Variants in MDGA2 observed in about 807,000 individuals in gnomAD.
MDGA2 encodes the protein MAM domain-containing glycosylphosphatidylinositol anchor protein 2.
Under a neutral mutation model 117.8 loss-of-function variants are expected in MDGA2, and 40 were observed. The ratio of observed to expected loss-of-function variants is 0.34; its 90% CI spans 0.26 to 0.44. The LOEUF (loss-of-function observed/expected upper bound fraction) is 0.44. Among genes scored for constraint, MDGA2 ranks in the 20% least tolerant of loss-of-function variants. The pLI, the probability that MDGA2 is intolerant of heterozygous loss-of-function variation, is 1.00. For synonymous variants in MDGA2, 452 were observed against 439.0 expected, an observed-to-expected ratio of 1.03 and a Z score of -0.37; for missense variants, 1,123 against 1,250.6, an observed-to-expected ratio of 0.90 and a Z score of 1.54.
Position 47,214,580 on chromosome 14 carries a change from G to A in MDGA2, c.595+3441C>T, listed in dbSNP as rs150435255. Among the ~76,000 whole-genome samples, 57 of 151,866 alleles carry A rather than the reference G, an allele frequency of 3.8e-4. 1 individual carries two copies. The highest frequency in any genetic ancestry group is 1.1e-3 in the African/African-American group (44 of 41,438). On this transcript the variant is annotated intron_variant, in intron 3 of 16. Coordinates refer to ENST00000399232, the MANE Select transcript of MDGA2 (RefSeq NM_001113498.3). ...TTAGAAAATTATGTGGGAAAAAGTC[G>A]CCAATAAAGATACATAAACTTTCTC...
chr14:47,049,569 C>T (rs192903026), intron 7 of MDGA2, among the ~76,000 whole-genome samples: 1 of 151,648 alleles, frequency 6.6e-6, no homozygotes, highest in South Asian at 2.1e-4. Flanking sequence ...ATTTTAGACT[C>T]AAGGGGTACA....
chr14:46,991,187 T>C (rs985084655), intron 8 of MDGA2, among the ~76,000 whole-genome samples: 2 of 152,122 alleles, frequency 1.3e-5, no homozygotes, highest in African/African-American at 4.8e-5. Context: ...AAATGTCACA[T>C]AGTTTGACAG....
At chr14:47,173,181 C>A (rs754655599) in intron 3 of MDGA2, among the ~76,000 whole-genome samples, 1 of 152,148 alleles carries the variant, frequency 6.6e-6, no homozygotes, top group African/African-American at 2.4e-5. Context: ...GATTGGTGTA[C>A]GTGAAAGTGA....
chr14:46,893,173 A>T (rs1882946638), intron 10 of MDGA2, among the ~76,000 whole-genome samples: 1 of 152,044 alleles, frequency 6.6e-6, no homozygotes, highest in African/African-American at 2.4e-5. Flanking sequence ...CTTTAAAAAA[A>T]CAAGGTACTG....
chr14:47,552,374 C>G (rs1401555274), intron 1 of MDGA2, among the ~76,000 whole-genome samples: 1 of 152,232 alleles, frequency 6.6e-6, no homozygotes, highest in Non-Finnish European at 1.5e-5. Flanking sequence ...ATGTCCAAAA[C>G]TGGCTTTGAG....
At chr14:47,122,376 T>C (rs955792331) in intron 5 of MDGA2, among the ~76,000 whole-genome samples, 2 of 151,990 alleles carry the variant, frequency 1.3e-5, no homozygotes, top group Admixed American at 1.3e-4. Context: ...GTAGGCTGGA[T>C]AGTGGATTTT....
intron 10 of MDGA2, among the ~76,000 whole-genome samples, chr14:46,913,422 A>C (rs1439586449): frequency 3.3e-5 from 5 of 152,146 alleles, no homozygotes; most frequent in Non-Finnish European, 7.4e-5. Context: ...CTTGCAATAA[A>C]ATCTATCTAA....
chr14:47,023,552 C>T (rs1005151908), intron 8 of MDGA2, among the ~76,000 whole-genome samples: 1 of 151,982 alleles, frequency 6.6e-6, no homozygotes, highest in Non-Finnish European at 1.5e-5. Context: ...GAATACATAG[C>T]AAAGCTGGAA....
intron 6 of MDGA2, among the ~76,000 whole-genome samples, chr14:47,095,261 C>G (rs2138968328): frequency 6.6e-6 from 1 of 152,018 alleles, no homozygotes; most frequent in East Asian, 1.9e-4. Flanking sequence ...GTCATGGTTG[C>G]TATTAGTAAT....
intron 1 of MDGA2, among the ~76,000 whole-genome samples, chr14:47,339,950 G>C (rs1890571473): frequency 6.6e-6 from 1 of 151,988 alleles, no homozygotes; most frequent in South Asian, 2.1e-4. Context: ...GTCCTATTCT[G>C]AATTTTCAAC....
intron 1 of MDGA2, among the ~76,000 whole-genome samples, chr14:47,382,722 G>A (rs138535150): frequency 0.066 from 10,005 of 152,266 alleles, 562 homozygotes; most frequent in Admixed American, 0.17. Context: ...TGGAGAGGAT[G>A]TGGAGAAATA....
chr14:46,883,651 A>C (rs1399880496), intron 10 of MDGA2, among the ~76,000 whole-genome samples: 2 of 151,810 alleles, frequency 1.3e-5, no homozygotes, highest in Non-Finnish European at 2.9e-5. Context: ...CTTTTCTCTC[A>C]CTCTATCCTT....
chr14:47,479,573 C>G (rs1334177259), intron 1 of MDGA2, among the ~76,000 whole-genome samples: 1 of 152,056 alleles, frequency 6.6e-6, no homozygotes, highest in African/African-American at 2.4e-5. Context: ...GTCCATAAAC[C>G]CAAAGGTGTA....
At chr14:47,171,299 C>CTT (rs1884121869) in intron 3 of MDGA2, among the ~76,000 whole-genome samples, 1 of 151,898 alleles carries the variant, frequency 6.6e-6, no homozygotes, top group Non-Finnish European at 1.5e-5. Context: ...TTTAATAATA[C>CTT]TAAGGCCCAA....
chr14:47,200,251 C>T (rs932179975), intron 3 of MDGA2, among the ~76,000 whole-genome samples: 3 of 151,878 alleles, frequency 2.0e-5, no homozygotes, highest in Non-Finnish European at 2.9e-5. Flanking sequence ...ATTATCACCA[C>T]CATATATGGC....
chr14:47,450,648 A>G (rs900130063), intron 1 of MDGA2, among the ~76,000 whole-genome samples: 8 of 152,074 alleles, frequency 5.3e-5, no homozygotes, highest in Non-Finnish European at 1.0e-4. Context: ...ACTGACTACA[A>G]TGTGATGCAT....
intron 2 of MDGA2, among the ~76,000 whole-genome samples, chr14:47,297,483 T>C (rs1038564008): frequency 6.5e-5 from 1 of 15,336 alleles, no homozygotes; most frequent in Non-Finnish European, 1.2e-4. Context: ...GGAAGGGGAG[T>C]GGAGGGGTGT....
chr14:47,037,700 C>A (rs1259909696), intron 7 of MDGA2, among the ~76,000 whole-genome samples: 3 of 152,002 alleles, frequency 2.0e-5, no homozygotes, highest in African/African-American at 7.3e-5. Context: ...AAATAAATAC[C>A]TCAATCATCT....
intron 2 of MDGA2, among the ~76,000 whole-genome samples, chr14:47,223,146 T>C (rs757381105): frequency 9.2e-5 from 14 of 152,070 alleles, no homozygotes; most frequent in African/African-American, 2.9e-4. Context: ...AAGAATAACA[T>C]GGGAAAGATC....
Sources: gnomAD v4.1 joint callset for allele counts (sites outside exome capture counted in the v4.1 genomes callset) on GRCh38, gnomAD v4.1.1 for gene constraint, MANE v1.5 for transcripts, NCBI Gene and HGNC (gene_info 2026-07-23, HGNC 2026-07-21) for gene names.